The following TDRD12 variants were observed in gnomAD, a reference collection of about 807,000 sequenced individuals.
TDRD12 encodes the protein tudor domain containing 12, also known as putative ATP-dependent RNA helicase TDRD12.
A neutral mutation model predicts 133.5 loss-of-function variants in TDRD12; 158 were observed. The observed-to-expected ratio is 1.18, with a 90% confidence interval of 1.04 to 1.35. TDRD12 has a LOEUF of 1.35. Among genes scored for constraint, TDRD12 ranks in the 40% most tolerant of loss-of-function variants. The probability of loss-of-function intolerance (pLI) is 0.00; values close to 1 mark genes in which losing one functional copy is unlikely to be tolerated. For missense variants in TDRD12, 1,443 were observed against 1,321.3 expected (o/e 1.09, Z -1.43); for synonymous variants, 460 against 477.9 (o/e 0.96, Z 0.49).
At chr19:32,828,746 T>C (rs2145782659) in exon 10 of TDRD12, 1 of 152,352 alleles carries the variant, frequency 6.6e-6, no homozygotes, top group East Asian at 1.9e-4. Context: ...TGGCTCAGTT[T>C]TCTCATCTGT....
intron 8 of TDRD12, among the ~76,000 whole-genome samples, chr19:32,764,224 C>T (rs527972953): frequency 6.7e-6 from 1 of 148,614 alleles, no homozygotes; most frequent in African/African-American, 2.5e-5. Context: ...CATTCTCCTG[C>T]CTCAGCCTCC....
chr19:32,797,701 G>A (rs1165371345), intron 14 of TDRD12, 34 bp from the exon 15 acceptor site: 1 of 643,006 alleles, frequency 1.6e-6, no homozygotes, highest in East Asian at 2.7e-5. Context: ...CCTAACTACT[G>A]TCTGGAGTCA....
intron 24 of TDRD12, among the ~76,000 whole-genome samples, chr19:32,813,071 G>A (rs1967060561): frequency 6.6e-6 from 1 of 152,118 alleles, no homozygotes; most frequent in African/African-American, 2.4e-5. Context: ...AGCTACTGGG[G>A]AGGCTGAGTA....
rs1274156979 is a variant in TDRD12, at chr19:32,794,698, G to A, written c.1358G>A (p.Gly453Asp). ...TACTCTTGGCCTCCCATAGCGCGTGGCTGTGATGTGGTTGTCATTTCTCAC... is the reference window on the plus strand; with the variant it reads ...TACTCTTGGCCTCCCATAGCGCGTGACTGTGATGTGGTTGTCATTTCTCAC... Residue 453 changes from glycine (G) to aspartate (D), a missense_variant, in exon 14 of 28, where the codon GGC (glycine) becomes GAC (aspartate). By Grantham distance (94) the Gly-to-Asp change is moderately conservative. Coordinates refer to ENST00000444215, the Ensembl canonical transcript of TDRD12. The A allele has an allele frequency of 7.1e-6, 5 of 702,984 alleles. No homozygotes were observed. The Admixed American group carries it at 8.0e-5, about 11-fold the overall frequency. The allele number at this position is 702,984 out of a possible 1,614,324, so 43.5% of individuals were successfully genotyped here. A position where few individuals can be genotyped will look rare whatever the true frequency, so the allele number is the denominator to read the frequency against.
At chr19:32,756,356 G>A (rs1405782902) in intron 7 of TDRD12, among the ~76,000 whole-genome samples, 175 bp downstream of exon 7, 2 of 151,998 alleles carry the variant, frequency 1.3e-5, no homozygotes, top group Non-Finnish European at 2.9e-5. Context: ...GTTACAGTTT[G>A]TGTTTATGAG....
At chr19:32,816,629 A>T (rs911163563) in intron 26 of TDRD12, among the ~76,000 whole-genome samples, 6 of 152,170 alleles carry the variant, frequency 3.9e-5, no homozygotes, top group Non-Finnish European at 7.3e-5. Flanking sequence ...TACACTTACA[A>T]ATATATTTCT....
At chr19:32,740,727 G>A (rs985186423) in intron 3 of TDRD12, among the ~76,000 whole-genome samples, 1 of 152,188 alleles carries the variant, frequency 6.6e-6, no homozygotes, top group East Asian at 1.9e-4. Context: ...CTCCACAGAA[G>A]GGGGGTTGCT....
At position 32,800,367 on chromosome 19, in the gene TDRD12, GTGTGTA is replaced by G. The variant is rs759853767; in HGVS notation, c.1950+27_1950+32del. On this transcript the variant is annotated intron_variant, in intron 17 of 27. Coordinates refer to ENST00000444215, the Ensembl canonical transcript of TDRD12. ...ATGGCAATGTCCAACAGGTAACTTT[GTGTGTA>G]TGTGTATGTGTATGTGTGTGTGTGT... 1.0e-4 allele frequency: 156 copies of G among 1,500,626 alleles called. 2 individuals are homozygous for G. Among genetic ancestry groups the G allele is most frequent in the East Asian group, 4.9e-4 (20 of 40,630 alleles). The allele number at this position is 1,500,626 out of a possible 1,614,324, so 93.0% of individuals were successfully genotyped here. A position where few individuals can be genotyped will look rare whatever the true frequency, so the allele number is the denominator to read the frequency against.
chr19:32,816,167 C>T (rs1200724207), intron 26 of TDRD12, among the ~76,000 whole-genome samples: 2 of 152,094 alleles, frequency 1.3e-5, no homozygotes, highest in African/African-American at 4.8e-5. Context: ...ACCTGTATTT[C>T]TTACAGAAAG....
At chr19:32,806,379 G>A (rs1048081772) in intron 21 of TDRD12, among the ~76,000 whole-genome samples, 7 of 132,842 alleles carry the variant, frequency 5.3e-5, no homozygotes, top group African/African-American at 2.0e-4. Flanking sequence ...GTCTGGCTCT[G>A]TCACCCAGGC....
chr19:32,742,658 G>A, intron 3 of TDRD12, 123 bp from the exon 4 acceptor site: 1 of 1,100,158 alleles, frequency 9.1e-7, no homozygotes, highest in South Asian at 1.8e-5. Context: ...ATTAGAAACA[G>A]AAAGAATTGT....
chr19:32,764,256 G>A (rs750903208), intron 8 of TDRD12, among the ~76,000 whole-genome samples: 13 of 151,688 alleles, frequency 8.6e-5, no homozygotes, highest in African/African-American at 4.8e-5. Context: ...GACTACAGGC[G>A]CCTGCCACCA....
Position 32,766,431 on chromosome 19 carries a change from C to T in TDRD12, c.866-6322C>T, listed in dbSNP as rs528193945. 4.6e-5 allele frequency among the ~76,000 whole-genome samples: 7 copies of T among 152,252 alleles called. No homozygotes were observed. The South Asian group carries it at 1.0e-3, about 23-fold the overall frequency. ...TTACAGTCACCCTGTTGTGCTATCA[C>T]GTAGTAGGTCTTACTCTTTCTGATA... On this transcript the variant is annotated intron_variant, in intron 8 of 27. Coordinates refer to ENST00000444215, the Ensembl canonical transcript of TDRD12.
chr19:32,765,656 C>G (rs1970274215), intron 8 of TDRD12, among the ~76,000 whole-genome samples: 1 of 150,010 alleles, frequency 6.7e-6, no homozygotes, highest in African/African-American at 2.5e-5. Flanking sequence ...CCAAACACCA[C>G]ATGTTCTCAC....
At chr19:32,805,907 T>G (rs566634754) in intron 21 of TDRD12, among the ~76,000 whole-genome samples, 1 of 152,130 alleles carries the variant, frequency 6.6e-6, no homozygotes, top group South Asian at 2.1e-4. Flanking sequence ...AATTTTTGTA[T>G]TTTTAGTAGA....
At position 32,772,695 on chromosome 19, in the gene TDRD12, A is replaced by G. The variant is rs572732963; in HGVS notation, c.866-58A>G. ...CTTTTATTATATTCCTTTTTATCCT[A>G]TTTTCTATTAATATCACTTTTTGGT... On this transcript the variant is annotated intron_variant, in intron 8 of 27. Coordinates refer to ENST00000444215, the Ensembl canonical transcript of TDRD12. The G allele has an allele frequency of 8.0e-4, 809 of 1,012,786 alleles. 2 individuals carry two copies. Among genetic ancestry groups the G allele is most frequent in the Non-Finnish European group, 9.9e-4 (698 of 704,268 alleles). 62.7% of individuals were successfully genotyped at this position (1,012,786 alleles called of 1,614,324 possible). A position where few individuals can be genotyped will look rare whatever the true frequency, so the allele number is the denominator to read the frequency against.
chr19:32,810,185 G>T, exon 23 of TDRD12: 2 of 1,535,862 alleles, frequency 1.3e-6, no homozygotes, highest in African/African-American at 1.4e-5. Flanking sequence ...ATGCTGAAAT[G>T]AATGAGTATT....
chr19:32,730,011 C>T (rs1968997222), intron 1 of TDRD12, among the ~76,000 whole-genome samples: 1 of 151,762 alleles, frequency 6.6e-6, no homozygotes, highest in Non-Finnish European at 1.5e-5. Context: ...AGGATGGTCT[C>T]GATCTCCTGA....
chr19:32,721,232 A>T (rs1253187620), intron 1 of TDRD12, among the ~76,000 whole-genome samples: 1 of 152,180 alleles, frequency 6.6e-6, no homozygotes, highest in African/African-American at 2.4e-5. Flanking sequence ...TGAAGGGGAA[A>T]GCGTTGCTGG....
Sources: gnomAD v4.1 joint callset for allele counts (sites outside exome capture counted in the v4.1 genomes callset) on GRCh38, gnomAD v4.1.1 for gene constraint, MANE v1.5 for transcripts, NCBI Gene and HGNC (gene_info 2026-07-23, HGNC 2026-07-21) for gene names.